IL1RAPL2: variants seen among roughly 807,000 people sequenced by gnomAD.
IL1RAPL2 encodes X-linked interleukin-1 receptor accessory protein-like 2.
A neutral mutation model predicts 44.1 loss-of-function variants in IL1RAPL2; 3 were observed. That is an observed-to-expected ratio of 0.07 (90% CI 0.03 to 0.18). IL1RAPL2 has a LOEUF of 0.18. IL1RAPL2 is among the 10% of genes least tolerant of loss of function. The pLI is 1.00. For synonymous variants in IL1RAPL2, 181 were observed against 178.8 expected, an observed-to-expected ratio of 1.01 and a Z score of -0.10; for missense variants, 391 against 496.4, an observed-to-expected ratio of 0.79 and a Z score of 2.02.
At chrX:104,703,771 C>T (rs935757499) in intron 2 of IL1RAPL2, among the ~76,000 whole-genome samples, 8 of 111,944 alleles carry the variant, frequency 7.1e-5, no homozygotes, top group African/African-American at 1.3e-4. Flanking sequence ...ACACAGAGGC[C>T]GAGAGATGTT....
chrX:104,581,247 T>C (rs932498734), intron 1 of IL1RAPL2, among the ~76,000 whole-genome samples: 1 of 111,816 alleles, frequency 8.9e-6, no homozygotes, highest in Non-Finnish European at 1.9e-5. Flanking sequence ...ATTAAGAAGG[T>C]ACTAAGCCAC....
chrX:105,653,640 T>G (rs1485737615), intron 6 of IL1RAPL2, among the ~76,000 whole-genome samples: 1 of 110,368 alleles, frequency 9.1e-6, no homozygotes, highest in African/African-American at 3.3e-5. Context: ...AGTAGAACAA[T>G]TTTAAACCCT....
intron 6 of IL1RAPL2, among the ~76,000 whole-genome samples, chrX:105,639,823 A>G (rs2037551766): frequency 9.0e-6 from 1 of 111,283 alleles, no homozygotes. Context: ...ATTCACACAA[A>G]AAAGCCAAAA....
chrX:105,626,961 C>G (rs929664606), intron 6 of IL1RAPL2, among the ~76,000 whole-genome samples: 2 of 111,088 alleles, frequency 1.8e-5, no homozygotes, highest in Non-Finnish European at 3.8e-5. Flanking sequence ...TGGTGTGGCC[C>G]AGGGATCTGC....
chrX:105,184,282 GGTGA>G (rs782059320), intron 2 of IL1RAPL2, among the ~76,000 whole-genome samples: 2 of 111,193 alleles, frequency 1.8e-5, no homozygotes, highest in Admixed American at 9.6e-5. Flanking sequence ...TTGTGGAGGA[GGTGA>G]GTGTTTGATA....
intron 5 of IL1RAPL2, among the ~76,000 whole-genome samples, chrX:105,298,799 G>A (rs992186204): frequency 1.8e-5 from 2 of 110,744 alleles, no homozygotes; most frequent in African/African-American, 6.6e-5. Flanking sequence ...AGGAGTATGG[G>A]TGTCACTGAA....
chrX:104,714,853 T>G (rs2147559941), intron 2 of IL1RAPL2, among the ~76,000 whole-genome samples: 1 of 111,276 alleles, frequency 9.0e-6, no homozygotes, highest in South Asian at 3.8e-4. Flanking sequence ...GTGAATAAGC[T>G]TTTTGATGTG....
chrX:104,829,972 A>T (rs138180552), intron 2 of IL1RAPL2, among the ~76,000 whole-genome samples: 1,276 of 111,958 alleles, frequency 0.011, 14 homozygotes, highest in African/African-American at 0.039. Context: ...GCCTATAGTC[A>T]TGCAGCTGGT....
chrX:105,180,694 T>G (rs2033522673), intron 2 of IL1RAPL2, among the ~76,000 whole-genome samples: 1 of 112,254 alleles, frequency 8.9e-6, no homozygotes, highest in Non-Finnish European at 1.9e-5. Context: ...AAATCCCACT[T>G]GATCTCAGTG....
At chrX:105,013,941 T>G (rs1569361173) in intron 2 of IL1RAPL2, among the ~76,000 whole-genome samples, 1 of 112,446 alleles carries the variant, frequency 8.9e-6, no homozygotes, top group East Asian at 2.8e-4. Flanking sequence ...AGGGCATAAC[T>G]GCCCTGACTC....
At chrX:105,256,802 G>A (rs1037032497) in intron 4 of IL1RAPL2, among the ~76,000 whole-genome samples, 1 of 111,004 alleles carries the variant, frequency 9.0e-6, no homozygotes. Flanking sequence ...ATTTCTGTGG[G>A]GTCAGCAGTA....
chrX:104,981,055 TTGTGTG>T (rs199571900), intron 2 of IL1RAPL2, among the ~76,000 whole-genome samples: 39,011 of 96,930 alleles, frequency 0.4, 6,063 homozygotes, highest in East Asian at 0.44. Context: ...TTCCAAGGTA[TTGTGTG>T]TGTGTGTGTG....
chrX:105,137,742 T>G (rs2147581353), intron 2 of IL1RAPL2, among the ~76,000 whole-genome samples: 1 of 111,921 alleles, frequency 8.9e-6, no homozygotes, highest in South Asian at 3.7e-4. Context: ...TCTCATTTCC[T>G]ATGTGAAACT....
intron 5 of IL1RAPL2, among the ~76,000 whole-genome samples, chrX:105,334,126 C>T (rs186177615): frequency 8.9e-6 from 1 of 112,117 alleles, no homozygotes; most frequent in African/African-American, 3.2e-5. Flanking sequence ...CAGTATCTAT[C>T]AACAGATGAA....
chrX:104,820,574 T>C (rs185252721), intron 2 of IL1RAPL2, among the ~76,000 whole-genome samples: 8 of 111,990 alleles, frequency 7.1e-5, no homozygotes, highest in Non-Finnish European at 3.8e-5. Flanking sequence ...GCACCAGCAT[T>C]GAGAGCTGGT....
intron 2 of IL1RAPL2, among the ~76,000 whole-genome samples, chrX:104,665,501 G>T (rs1351403280): frequency 9.2e-6 from 1 of 109,013 alleles, no homozygotes; most frequent in African/African-American, 3.4e-5. Flanking sequence ...TATTAAAATA[G>T]AAAACTCTCT....
intron 2 of IL1RAPL2, among the ~76,000 whole-genome samples, chrX:105,084,002 A>G (rs1360899179): frequency 5.3e-5 from 6 of 112,425 alleles, no homozygotes; most frequent in African/African-American, 1.9e-4. Context: ...AGCTTTGACA[A>G]CTTCCACATG....
At chrX:104,746,964 T>C (rs932792368) in intron 2 of IL1RAPL2, among the ~76,000 whole-genome samples, 3 of 111,620 alleles carry the variant, frequency 2.7e-5, no homozygotes, top group African/African-American at 3.2e-5. Context: ...AGTTTTCCAG[T>C]CCTTAGATCT....
intron 2 of IL1RAPL2, among the ~76,000 whole-genome samples, chrX:104,756,329 C>T (rs756887692): frequency 6.3e-5 from 7 of 111,179 alleles, no homozygotes; most frequent in African/African-American, 3.3e-5. Context: ...TTCAAGATAA[C>T]TTTTATTTAA....
Sources: gnomAD v4.1 joint callset for allele counts (sites outside exome capture counted in the v4.1 genomes callset) on GRCh38, gnomAD v4.1.1 for gene constraint, MANE v1.5 for transcripts, NCBI Gene and HGNC (gene_info 2026-07-23, HGNC 2026-07-21) for gene names.